CEP44: variants seen among roughly 807,000 people sequenced by gnomAD.
CEP44 encodes centrosomal protein of 44 kDa.
In CEP44, 45 loss-of-function variants were observed where a neutral mutation model predicts 46.7. The observed-to-expected ratio is 0.96, with a 90% CI of 0.76 to 1.24. The LOEUF is 1.24. Ranked by LOEUF, CEP44 falls within the 50% of genes most tolerant of loss-of-function variation. CEP44 has a pLI of 0.00. For missense variants in CEP44, 475 were observed against 459.7 expected (o/e 1.03, Z -0.30); for synonymous variants, 142 against 146.0 (o/e 0.97, Z 0.20).
chr4:174,324,709 C>A (rs1742545119), downstream of CEP44, among the ~76,000 whole-genome samples: 1 of 152,152 alleles, frequency 6.6e-6, no homozygotes, highest in Non-Finnish European at 1.5e-5. Context: ...GGTACCCTAG[C>A]CAAACAACCA....
intron 11 of CEP44, 109 bp downstream of exon 11, chr4:174,316,676 A>C: frequency 1.0e-6 from 1 of 1,003,366 alleles, no homozygotes; most frequent in Non-Finnish European, 1.4e-6. Context: ...AGGTCTCTCA[A>C]TCAGGTGTGG....
Position 174,299,188 on chromosome 4 carries a change from C to G in CEP44, c.67C>G (p.Pro23Ala), listed in dbSNP as rs758507613. ...LEQVLRLLNY[P>A]EEVDCVGLIK... ...ACAGGTGCTCCGCTTGCTAAATTAT[C>G]CTGAAGAGGTGGACTGTGTAGGGTA... Residue 23 changes from proline (P) to alanine (A), a missense_variant, in exon 3 of 12, where the codon CCT becomes GCT. Coordinates refer to ENST00000503780, the MANE Select transcript of CEP44 (RefSeq NM_001040157.3). 9 of 1,613,556 alleles carry G rather than the reference C, an allele frequency of 5.6e-6. No individual in the cohort carries two copies. In the South Asian group the frequency reaches 7.7e-5, roughly 14 times the overall value.
intron 1 of CEP44, chr4:174,284,314 T>C (rs1397963705): frequency 2.8e-6 from 1 of 357,128 alleles, no homozygotes; most frequent in Non-Finnish European, 5.0e-6. Context: ...TATATGCTTT[T>C]AGTCACAACG....
intron 1 of CEP44, among the ~76,000 whole-genome samples, chr4:174,294,529 A>C (rs1323289131): frequency 6.6e-6 from 1 of 151,002 alleles, no homozygotes; most frequent in Admixed American, 6.6e-5. Context: ...CGCCATTGTC[A>C]TCATGGCCCG....
At position 174,318,164 on chromosome 4, in the gene CEP44, A is replaced by C. The variant is rs1292839643; in HGVS notation, c.*781A>C. The C allele has an allele frequency of 2.6e-6, 2 of 768,298 alleles. No homozygotes were observed. The highest frequency in any genetic ancestry group is 3.2e-6 in the Non-Finnish European group (2 of 632,060). The allele number at this position is 768,298 out of a possible 1,614,324, so 47.6% of individuals were successfully genotyped here. On this transcript the variant is annotated 3_prime_UTR_variant, in exon 12 of 12. Coordinates refer to ENST00000503780, the MANE Select transcript of CEP44 (RefSeq NM_001040157.3). ...CCGCAACCTCTGCCTACCGGGTTCA[A>C]GTGATTCTTGTGCCTCAGCCTCCTG...
chr4:174,316,473 C>A, intron 10 of CEP44, 57 bp from the exon 11 acceptor site: 1 of 1,483,468 alleles, frequency 6.7e-7, no homozygotes, highest in South Asian at 1.2e-5. Context: ...CTCGGTCCAT[C>A]TTTGATGATG....
chr4:174,307,650 G>C (rs1413039168), intron 6 of CEP44, among the ~76,000 whole-genome samples: 1 of 152,146 alleles, frequency 6.6e-6, no homozygotes, highest in Non-Finnish European at 1.5e-5. Context: ...CACAGCAAAA[G>C]AAACTATCAG....
chr4:174,295,356 A>G (rs1264170620), intron 1 of CEP44, among the ~76,000 whole-genome samples: 1 of 147,716 alleles, frequency 6.8e-6, no homozygotes, highest in Non-Finnish European at 1.5e-5. Context: ...ACGGGGCGGC[A>G]GGGGCAGAGG....
intron 4 of CEP44, among the ~76,000 whole-genome samples, chr4:174,303,071 C>T (rs922133302): frequency 2.0e-5 from 3 of 152,188 alleles, no homozygotes; most frequent in East Asian, 3.9e-4. Flanking sequence ...TGAGCCACCG[C>T]ACCCAGCCTC....
Position 174,309,940 on chromosome 4 carries a change from AG to A in CEP44, c.771del (p.Arg257SerfsTer2). On this transcript the variant is annotated frameshift_variant, in exon 8 of 12. Coordinates refer to ENST00000503780, the MANE Select transcript of CEP44 (RefSeq NM_001040157.3). LOFTEE classifies it high-confidence loss of function. The surrounding 1 kb of genome is among the most constrained non-coding windows in gnomAD (Gnocchi z 5.3). Reference sequence around the variant, plus strand: ...TAAGAAACTGACTTCGATAGAGAAAAGGTTAGACTGTTTGGAACAAAAAATG... The same window carrying A: ...TAAGAAACTGACTTCGATAGAGAAAAGTTAGACTGTTTGGAACAAAAAATG... ...NLKKLTSIEK[R>X]LDCLEQKMKG... is the part of the protein sequence containing the mutation. The A allele has an allele frequency of 2.5e-6, 4 of 1,612,818 alleles. No homozygotes were observed. Among genetic ancestry groups the A allele is most frequent in the Non-Finnish European group, 3.4e-6 (4 of 1,179,188 alleles).
At chr4:174,308,392 C>T (rs1241308690) in intron 6 of CEP44, among the ~76,000 whole-genome samples, 1 of 152,078 alleles carries the variant, frequency 6.6e-6, no homozygotes, top group Non-Finnish European at 1.5e-5. Context: ...AACCAAATAC[C>T]ACTTGTTCTC....
Position 174,309,930 on chromosome 4 carries a change from G to T in CEP44, c.759G>T (p.Ser253=). The T allele has an allele frequency of 2.5e-6, 4 of 1,612,496 alleles. No homozygotes were observed. Among genetic ancestry groups the T allele is most frequent in the Non-Finnish European group, 2.5e-6 (3 of 1,179,072 alleles). Residue 253 remains serine, a synonymous_variant, in exon 8 of 12, where the codon TCG becomes TCT. Coordinates refer to ENST00000503780, the MANE Select transcript of CEP44 (RefSeq NM_001040157.3). The surrounding 1 kb of genome is among the most constrained non-coding windows in gnomAD (Gnocchi z 5.3). The part of the protein sequence containing the change: ...ECQENLKKLT[S]IEKRLDCLEQ... Reference sequence around the variant, plus strand: ...AAGAAAATCTTAAGAAACTGACTTCGATAGAGAAAAGGTTAGACTGTTTGG... The same window carrying T: ...AAGAAAATCTTAAGAAACTGACTTCTATAGAGAAAAGGTTAGACTGTTTGG...
rs1414597001 is a variant in CEP44 at position 174,317,441 on chromosome 4, A to G, written c.*58A>G. 1.5e-6 allele frequency: 2 copies of G among 1,321,286 alleles called. No homozygotes were observed. Among genetic ancestry groups the G allele is most frequent in the Admixed American group, 5.5e-5 (2 of 36,348 alleles). The allele number at this position is 1,321,286 out of a possible 1,614,324, so 81.8% of individuals were successfully genotyped here. A position where few individuals can be genotyped will look rare whatever the true frequency, so the allele number is the denominator to read the frequency against. Reference sequence around the variant, plus strand: ...GGTTACTATACATATTGTATATTTTAAGAATTCTTTATACAATTTTAATAT... The same window carrying G: ...GGTTACTATACATATTGTATATTTTGAGAATTCTTTATACAATTTTAATAT... On this transcript the variant is annotated 3_prime_UTR_variant, in exon 12 of 12. Transcript: ENST00000503780.
upstream of CEP44, chr4:174,283,907 G>A (rs768133296): frequency 2.5e-6 from 1 of 398,914 alleles, no homozygotes; most frequent in Non-Finnish European, 4.4e-6. This position sits in a 1 kb window ranked among gnomAD's most constrained non-coding sequence, Gnocchi z 6.7. Context: ...GAATCCTGGA[G>A]CACAGAGAAG....
At chr4:174,316,399 T>C (rs1037284386) in intron 10 of CEP44, 109 bp downstream of exon 10, 8 of 1,381,048 alleles carry the variant, frequency 5.8e-6, no homozygotes, top group Admixed American at 1.9e-5. Flanking sequence ...AATCTTAGTC[T>C]CTCAAAATTC....
At position 174,311,877 on chromosome 4, in the gene CEP44, CTTG is replaced by C. The variant is rs1741120158; in HGVS notation, c.961+1022_961+1024del. 6.6e-6 allele frequency among the ~76,000 whole-genome samples: 1 copy of C among 152,164 alleles called. No individual in the cohort carries two copies. Among genetic ancestry groups the C allele is most frequent in the Admixed American group, 6.5e-5 (1 of 15,270 alleles). On this transcript the variant is annotated intron_variant, in intron 9 of 11. Transcript: ENST00000503780. The surrounding 1 kb of genome is among the most constrained non-coding windows in gnomAD (Gnocchi z 4.4). ...CACAAAGAACAATTTCAGTGATTAGCTTGTTAAGTATAATTATTTGAGATGCTA... is the reference window on the plus strand; with the variant it reads ...CACAAAGAACAATTTCAGTGATTAGCTTAAGTATAATTATTTGAGATGCTA...
At position 174,302,186 on chromosome 4, in the gene CEP44, G is replaced by A. The variant is rs1739805782; in HGVS notation, c.237G>A (p.Lys79=). 6.4e-7 allele frequency: 1 copy of A among 1,569,644 alleles called. No individual in the cohort carries two copies. The highest frequency in any genetic ancestry group is 8.7e-7 in the Non-Finnish European group (1 of 1,153,446). The change falls in exon 4 of 12, where the codon AAG becomes AAA. Residue 79 remains lysine (K), a splice_region_variant and synonymous_variant. Transcript: ENST00000503780. ...TGCGCTTTATAGATGCTGTCTATAA[G>A]GTATTTTGAGTTTATCAAACAATAA... ...NDLRFIDAVY[K]LLRDQFNYKP... is the part of the protein sequence containing the mutation.
chr4:174,306,970 A>G (rs942185350), intron 6 of CEP44, among the ~76,000 whole-genome samples: 2 of 152,192 alleles, frequency 1.3e-5, no homozygotes, highest in African/African-American at 2.4e-5. Context: ...AGATGACACA[A>G]ACAAATGGAA....
In CEP44 at chr4:174,314,913, A is replaced by G. The variant is rs1309907573; in HGVS notation, c.962-1253A>G. 2.0e-5 allele frequency among the ~76,000 whole-genome samples: 3 copies of G among 152,176 alleles called. No homozygotes were observed. Among genetic ancestry groups the G allele is most frequent in the African/African-American group, 7.2e-5 (3 of 41,452 alleles). On this transcript the variant is annotated intron_variant, in intron 9 of 11. Coordinates refer to ENST00000503780, the MANE Select transcript of CEP44 (RefSeq NM_001040157.3). This position sits in a 1 kb window ranked among gnomAD's most constrained non-coding sequence, Gnocchi z 4.1. ...TTCCAGTTCAAAGTGTGATGAGTCA[A>G]ATTACATTCTCTCTCTTAGCATTTG...
Sources: allele counts gnomAD v4.1 joint callset (sites outside exome capture counted in the v4.1 genomes callset), GRCh38; gene constraint gnomAD v4.1.1; non-coding constraint Gnocchi (gnomAD v3.1); transcripts MANE v1.5; gene names NCBI Gene and HGNC (gene_info 2026-07-23, HGNC 2026-07-21).